Variants in ZNF423 observed in about 807,000 individuals in gnomAD.
The protein encoded by ZNF423 is zinc finger protein 423.
Under a neutral mutation model 95.8 loss-of-function variants are expected in ZNF423, and 12 were observed. The ratio of observed to expected loss-of-function variants is 0.13; its 90% CI spans 0.08 to 0.20. The LOEUF (loss-of-function observed/expected upper bound fraction) is 0.20, where lower values mean the gene tolerates loss of function less well. Among genes scored for constraint, ZNF423 ranks in the 10% least tolerant of loss-of-function variants. The pLI is 1.00. For synonymous variants in ZNF423, 749 were observed against 711.9 expected, an observed-to-expected ratio of 1.05 and a Z score of -0.83; for missense variants, 1,316 against 1,737.1, an observed-to-expected ratio of 0.76 and a Z score of 4.31.
In ZNF423 at chr16:49,789,475, C is replaced by G; in HGVS notation, c.100+12G>C. 12 of 1,611,456 alleles carry G rather than the reference C, an allele frequency of 7.4e-6. No individual in the cohort carries two copies. The highest frequency in any genetic ancestry group is 1.0e-5 in the Non-Finnish European group (12 of 1,179,180). ...CCCCCTGCAACTCTTCCACCAGCCC[C>G]CGGGCATTTACCTGCTGCTGTCACG... On this transcript the variant is annotated intron_variant, in intron 2 of 7. Coordinates refer to ENST00000563137, the MANE Select transcript of ZNF423 (RefSeq NM_001379286.1).
At chr16:49,587,585 G>A (rs1159023594) in intron 5 of ZNF423, among the ~76,000 whole-genome samples, 1 of 152,082 alleles carries the variant, frequency 6.6e-6, no homozygotes, top group African/African-American at 2.4e-5. Flanking sequence ...TGGCTGTTGG[G>A]GTGGAACAGG....
chr16:49,713,242 C>G (rs966261465), intron 3 of ZNF423, among the ~76,000 whole-genome samples: 1 of 152,226 alleles, frequency 6.6e-6, no homozygotes, highest in Admixed American at 6.5e-5. Context: ...CTCCCCCACA[C>G]AAATCACACA....
At position 49,550,705 on chromosome 16, in the gene ZNF423, G is replaced by A. The variant is rs527564854; in HGVS notation, c.3602-25211C>T. Among the ~76,000 whole-genome samples the A allele has an allele frequency of 8.5e-5, 13 of 152,376 alleles. No individual in the cohort carries two copies. In the South Asian group the frequency reaches 2.1e-3, roughly 24 times the overall value. On this transcript the variant is annotated intron_variant, in intron 5 of 7. Transcript: ENST00000563137. ...CATCATTTGTGGATAAGGGACAGCC[G>A]TGGGAGCAAGGGACAGACAAGGGAA...
chr16:49,690,972 A>G (rs2031757326), intron 3 of ZNF423, among the ~76,000 whole-genome samples: 1 of 152,202 alleles, frequency 6.6e-6, no homozygotes, highest in African/African-American at 2.4e-5. Flanking sequence ...TGGAGACAGG[A>G]GAGGTGAGCT....
At chr16:49,686,333 C>G (rs1319704311) in intron 3 of ZNF423, among the ~76,000 whole-genome samples, 2 of 152,166 alleles carry the variant, frequency 1.3e-5, no homozygotes, top group Non-Finnish European at 2.9e-5. Context: ...TTAGCATCAT[C>G]CAAAGTGCAA....
chr16:49,701,258 G>A (rs1381858033), intron 3 of ZNF423, among the ~76,000 whole-genome samples: 2 of 152,222 alleles, frequency 1.3e-5, no homozygotes, highest in African/African-American at 4.8e-5. Flanking sequence ...GCATGCGCAC[G>A]TGTGTGTGTA....
At chr16:49,696,396 A>G (rs981356107) in intron 3 of ZNF423, among the ~76,000 whole-genome samples, 5 of 152,324 alleles carry the variant, frequency 3.3e-5, no homozygotes, top group Admixed American at 1.3e-4. Flanking sequence ...CTCTAGCTCC[A>G]AACAAAGAAA....
intron 1 of ZNF423, among the ~76,000 whole-genome samples, chr16:49,833,805 G>A (rs754192924): frequency 2.1e-5 from 3 of 145,906 alleles, no homozygotes; most frequent in East Asian, 2.2e-4. Flanking sequence ...GGGAGGAGGG[G>A]AGCATGTGCA....
chr16:49,718,524 GT>G (rs1323516647), intron 3 of ZNF423, among the ~76,000 whole-genome samples: 2 of 152,208 alleles, frequency 1.3e-5, no homozygotes, highest in African/African-American at 4.8e-5. Context: ...GAATTGTGGA[GT>G]AAGGAATGGA....
chr16:49,587,175 C>T (rs1039486682), intron 5 of ZNF423, among the ~76,000 whole-genome samples: 5 of 152,186 alleles, frequency 3.3e-5, no homozygotes, highest in Admixed American at 2.6e-4. Flanking sequence ...GGTCAATATC[C>T]AGTTTCCCAT....
chr16:49,737,817 C>CG (rs1335366969), intron 2 of ZNF423, among the ~76,000 whole-genome samples: 1 of 152,222 alleles, frequency 6.6e-6, no homozygotes, highest in Non-Finnish European at 1.5e-5. Context: ...CAGCCAATGT[C>CG]GGCCCCTGGC....
intron 2 of ZNF423, among the ~76,000 whole-genome samples, chr16:49,762,929 A>ATGATG (rs1382414415): frequency 3.9e-5 from 6 of 152,196 alleles, no homozygotes; most frequent in African/African-American, 1.4e-4. Context: ...CGTCCCTTTC[A>ATGATG]TGATCATAGC....
intron 3 of ZNF423, among the ~76,000 whole-genome samples, chr16:49,654,060 G>C (rs1455907580): frequency 6.6e-6 from 1 of 152,208 alleles, no homozygotes; most frequent in Non-Finnish European, 1.5e-5. Context: ...CCATCTTACA[G>C]ATCAGACATC....
At chr16:49,804,920 G>C (rs1345464331) in intron 1 of ZNF423, among the ~76,000 whole-genome samples, 1 of 115,756 alleles carries the variant, frequency 8.6e-6, no homozygotes, top group South Asian at 2.9e-4. Context: ...TTTTGAGACA[G>C]AGTCTTACTT....
chr16:49,640,854 C>G (rs1431783189), intron 3 of ZNF423: 1 of 152,388 alleles, frequency 6.6e-6, no homozygotes, highest in South Asian at 2.1e-4. Context: ...GGGAAGGATG[C>G]AGCAGTCGTG....
upstream of ZNF423, among the ~76,000 whole-genome samples, chr16:49,858,166 G>A (rs1270067734): frequency 6.6e-6 from 1 of 151,970 alleles, no homozygotes; most frequent in African/African-American, 2.4e-5. This position sits in a 1 kb window ranked among gnomAD's most constrained non-coding sequence, Gnocchi z 4.3. Flanking sequence ...CGTCCCCTCG[G>A]AGACGAGTTA....
chr16:49,731,673 A>T (rs1177337143), intron 2 of ZNF423, among the ~76,000 whole-genome samples: 1 of 151,992 alleles, frequency 6.6e-6, no homozygotes, highest in Non-Finnish European at 1.5e-5. Flanking sequence ...TTTTTTTTTA[A>T]TTAGCCTGGT....
intron 7 of ZNF423, among the ~76,000 whole-genome samples, chr16:49,504,438 T>C (rs1209138956): frequency 6.6e-6 from 1 of 152,084 alleles, no homozygotes; most frequent in Non-Finnish European, 1.5e-5. Context: ...AAAAATTAGC[T>C]GGGCATGGCA....
Position 49,490,934 on chromosome 16 carries a change from A to C in ZNF423, c.*341T>G. 4.0e-6 allele frequency: 1 copy of C among 250,392 alleles called. No homozygotes were observed. The allele number at this position is 250,392 out of a possible 1,614,324, so 15.5% of individuals were successfully genotyped here. A position where few individuals can be genotyped will look rare whatever the true frequency, so the allele number is the denominator to read the frequency against. ...AGAAGCAAAGAAAAAAAATCACACT[A>C]ATTCTTTTTTAAAAACTATCAATAT... On this transcript the variant is annotated 3_prime_UTR_variant, in exon 8 of 8. Coordinates refer to ENST00000563137, the MANE Select transcript of ZNF423 (RefSeq NM_001379286.1).
Sources: allele counts gnomAD v4.1 joint callset (sites outside exome capture counted in the v4.1 genomes callset), GRCh38; gene constraint gnomAD v4.1.1; non-coding constraint Gnocchi (gnomAD v3.1); transcripts MANE v1.5; gene names NCBI Gene and HGNC (gene_info 2026-07-23, HGNC 2026-07-21).